Variants in DACH2 observed in about 807,000 individuals in gnomAD.
DACH2 encodes the protein dachshund homolog 2.
A neutral mutation model predicts 35.8 loss-of-function variants in DACH2; 17 were observed. That is an observed-to-expected ratio of 0.48 (90% CI 0.33 to 0.71). DACH2 has a LOEUF of 0.71. Ranked by LOEUF, DACH2 falls within the 30% of genes least tolerant of loss-of-function variation. The pLI, the probability that DACH2 is intolerant of heterozygous loss-of-function variation, is 0.02. For synonymous variants in DACH2, 195 were observed against 177.3 expected (o/e 1.10, Z -0.79); for missense variants, 469 against 472.7 (o/e 0.99, Z 0.07).
At chrX:86,462,928 A>C (rs1271360509) in intron 2 of DACH2, among the ~76,000 whole-genome samples, 1 of 111,661 alleles carries the variant, frequency 9.0e-6, no homozygotes, top group Non-Finnish European at 1.9e-5. Context: ...AGTTATAGCA[A>C]GGTCTCTGGT....
chrX:86,348,877 G>C (rs934082807), intron 1 of DACH2, among the ~76,000 whole-genome samples: 3 of 112,509 alleles, frequency 2.7e-5, no homozygotes, highest in Non-Finnish European at 5.6e-5. Flanking sequence ...AACCCCTAGG[G>C]GGAGCAGGCA....
chrX:86,476,772 G>A (rs763466498), intron 2 of DACH2, among the ~76,000 whole-genome samples: 2 of 110,888 alleles, frequency 1.8e-5, no homozygotes, highest in Non-Finnish European at 3.8e-5. Flanking sequence ...TCTTTTTATG[G>A]TGTAGGCACT....
At chrX:86,296,478 TAA>T (rs1311012224) in intron 1 of DACH2, among the ~76,000 whole-genome samples, 2 of 109,838 alleles carry the variant, frequency 1.8e-5, no homozygotes, top group Non-Finnish European at 1.9e-5. Context: ...CTCAACTATA[TAA>T]GTCAACTTTA....
chrX:86,763,075 T>C (rs2041899041), intron 7 of DACH2, among the ~76,000 whole-genome samples: 1 of 111,683 alleles, frequency 9.0e-6, no homozygotes. Context: ...TTTCTGTGCC[T>C]GGCTTATTTC....
chrX:86,624,284 T>C (rs2040107421), intron 3 of DACH2, among the ~76,000 whole-genome samples: 1 of 111,294 alleles, frequency 9.0e-6, no homozygotes, highest in Non-Finnish European at 1.9e-5. Flanking sequence ...TTTCTAACAT[T>C]CCTATGCTTC....
intron 1 of DACH2, among the ~76,000 whole-genome samples, chrX:86,247,315 A>T: frequency 9.0e-6 from 1 of 111,560 alleles, no homozygotes; most frequent in Middle Eastern, 4.6e-3. Flanking sequence ...ACCACACAAA[A>T]GATCAATGAA....
intron 2 of DACH2, among the ~76,000 whole-genome samples, chrX:86,479,608 T>C (rs1225866349): frequency 8.9e-6 from 1 of 111,960 alleles, no homozygotes; most frequent in Non-Finnish European, 1.9e-5. Flanking sequence ...ATAACTCAGA[T>C]TTGTCCTTTT....
intron 1 of DACH2, among the ~76,000 whole-genome samples, chrX:86,307,698 C>A (rs1250879163): frequency 9.0e-6 from 1 of 111,273 alleles, no homozygotes; most frequent in Admixed American, 9.6e-5. Context: ...GCTTCTAGAC[C>A]TATCACTAGA....
intron 5 of DACH2, among the ~76,000 whole-genome samples, chrX:86,695,719 G>A (rs1252311317): frequency 9.1e-6 from 1 of 109,595 alleles, no homozygotes; most frequent in Non-Finnish European, 1.9e-5. Flanking sequence ...CACCATGCTG[G>A]CCAGGCTGGT....
At chrX:86,617,056 A>G (rs1211741447) in intron 3 of DACH2, among the ~76,000 whole-genome samples, 1 of 111,794 alleles carries the variant, frequency 8.9e-6, no homozygotes, top group African/African-American at 3.2e-5. Context: ...GCTTTGTTGA[A>G]GATCAAATGG....
chrX:86,439,648 T>C (rs1455040677), intron 2 of DACH2, among the ~76,000 whole-genome samples: 1 of 111,541 alleles, frequency 9.0e-6, no homozygotes, highest in Non-Finnish European at 1.9e-5. Flanking sequence ...ATTTTTCTTC[T>C]TTCTTCTGCT....
intron 2 of DACH2, among the ~76,000 whole-genome samples, chrX:86,398,305 G>T (rs1267715604): frequency 2.7e-5 from 3 of 112,118 alleles, no homozygotes; most frequent in Non-Finnish European, 5.6e-5. Context: ...CTTGCTAGGG[G>T]TCTATCAATT....
At chrX:86,806,528 T>C (rs2042346554) in intron 7 of DACH2, among the ~76,000 whole-genome samples, 1 of 112,171 alleles carries the variant, frequency 8.9e-6, no homozygotes, top group Admixed American at 9.5e-5. Context: ...TAATTAAATA[T>C]GTTGGGGATG....
intron 4 of DACH2, among the ~76,000 whole-genome samples, chrX:86,652,719 T>G (rs746584652): frequency 8.9e-6 from 1 of 112,368 alleles, no homozygotes; most frequent in African/African-American, 3.2e-5. Context: ...TTTTTTCATA[T>G]GCTTCTTGGT....
At chrX:86,193,567 G>T (rs2031891958) in intron 1 of DACH2, among the ~76,000 whole-genome samples, 1 of 111,806 alleles carries the variant, frequency 8.9e-6, no homozygotes, top group Admixed American at 9.6e-5. Flanking sequence ...GGACATAACT[G>T]AAAGCTAGTG....
At chrX:86,727,080 G>A (rs2041478193) in intron 6 of DACH2, among the ~76,000 whole-genome samples, 1 of 112,017 alleles carries the variant, frequency 8.9e-6, no homozygotes, top group South Asian at 3.7e-4. Flanking sequence ...AAGTCACCAG[G>A]TCTTTTATAT....
At chrX:86,294,010 G>C (rs1170979979) in intron 1 of DACH2, among the ~76,000 whole-genome samples, 3 of 111,893 alleles carry the variant, frequency 2.7e-5, no homozygotes, top group Non-Finnish European at 3.8e-5. Flanking sequence ...ATAATATCCT[G>C]CAGAGTGTTT....
At chrX:86,517,824 A>AT (rs1400089882) in intron 3 of DACH2, among the ~76,000 whole-genome samples, 5 of 111,009 alleles carry the variant, frequency 4.5e-5, no homozygotes, top group East Asian at 2.8e-4. Flanking sequence ...GTTTGCAAAT[A>AT]TTTTTTTTCC....
intron 2 of DACH2, chrX:86,481,111 G>A (rs1453458254): frequency 1.7e-4 from 19 of 111,881 alleles, no homozygotes; most frequent in Admixed American, 1.4e-3. Flanking sequence ...ATGCACATTC[G>A]TGGAAGTCTA....
Sources: allele counts gnomAD v4.1 joint callset (sites outside exome capture counted in the v4.1 genomes callset), GRCh38; gene constraint gnomAD v4.1.1; transcripts MANE v1.5; gene names NCBI Gene and HGNC (gene_info 2026-07-23, HGNC 2026-07-21).